The following MCMBP variants were observed in gnomAD, a reference collection of about 807,000 sequenced individuals.
MCMBP encodes mini-chromosome maintenance complex-binding protein.
In MCMBP, 31 loss-of-function variants were observed where a neutral mutation model predicts 81.3. The ratio of observed to expected loss-of-function variants is 0.38; its 90% CI spans 0.29 to 0.51. The LOEUF is 0.51. Among genes scored for constraint, MCMBP ranks in the 20% least tolerant of loss-of-function variants. The pLI, the probability that MCMBP is intolerant of heterozygous loss-of-function variation, is 0.87. For synonymous variants in MCMBP, 267 were observed against 275.9 expected, an observed-to-expected ratio of 0.97 and a Z score of 0.32; for missense variants, 645 against 772.1, an observed-to-expected ratio of 0.84 and a Z score of 1.95.
intron 14 of MCMBP, among the ~76,000 whole-genome samples, chr10:119,834,963 G>A (rs1852189737): frequency 6.6e-6 from 1 of 151,130 alleles, no homozygotes; most frequent in Admixed American, 6.6e-5. Flanking sequence ...ATACTAGACA[G>A]TAACATGAAC....
At chr10:119,858,715 TA>T (rs571239374) in intron 4 of MCMBP, among the ~76,000 whole-genome samples, 168 bp downstream of exon 4, 1 of 151,782 alleles carries the variant, frequency 6.6e-6, no homozygotes, top group Non-Finnish European at 1.5e-5. Flanking sequence ...TTTAGAGGAT[TA>T]AAAAAAAGTC....
chr10:119,856,477 G>C (rs1372464020), intron 5 of MCMBP, among the ~76,000 whole-genome samples: 1 of 152,186 alleles, frequency 6.6e-6, no homozygotes, highest in Non-Finnish European at 1.5e-5. Context: ...AGTCCATTTA[G>C]ATGTCATTCA....
chr10:119,859,275 T>TAC (rs34034506), intron 2 of MCMBP, 94 bp from the exon 3 acceptor site: 8,145 of 615,176 alleles, frequency 0.013, 67 homozygotes, highest in African/African-American at 0.053. Flanking sequence ...CTCAAACTGT[T>TAC]ACACACACAC....
rs1292236825 is a variant in MCMBP, at chr10:119,829,837, G to T, written c.*1637C>A. On this transcript the variant is annotated 3_prime_UTR_variant, in exon 16 of 16. Coordinates refer to ENST00000369077, the MANE Select transcript of MCMBP (RefSeq NM_001256378.2). Reference sequence around the variant, plus strand: ...ATTTATTGGAAAGGTTCTTTCAAGGGAACTTTTCTGCAAGACCAAGCAATG... The same window carrying T: ...ATTTATTGGAAAGGTTCTTTCAAGGTAACTTTTCTGCAAGACCAAGCAATG... 6.6e-6 allele frequency: 1 copy of T among 152,158 alleles called. No individual in the cohort carries two copies. Among genetic ancestry groups the T allele is most frequent in the African/African-American group, 2.4e-5 (1 of 41,424 alleles). 9.4% of individuals were successfully genotyped at this position (152,158 alleles called of 1,614,324 possible).
At chr10:119,845,762 G>C (rs1852596088) in intron 8 of MCMBP, among the ~76,000 whole-genome samples, 1 of 152,210 alleles carries the variant, frequency 6.6e-6, no homozygotes, top group Non-Finnish European at 1.5e-5. Flanking sequence ...CTAGGTTTCT[G>C]TTTTGTAGTG....
intron 7 of MCMBP, among the ~76,000 whole-genome samples, chr10:119,847,984 T>TA (rs1310348598): frequency 3.3e-5 from 5 of 151,526 alleles, no homozygotes; most frequent in Non-Finnish European, 5.9e-5. Context: ...TTCCTAAAAT[T>TA]AAAAAAAGCC....
chr10:119,863,728 CAAAAAAAAAAAAAAAAAA>C lies in MCMBP; in HGVS notation c.59-3862_59-3845del, dbSNP rs57266961. 2.2e-3 allele frequency among the ~76,000 whole-genome samples: 44 copies of C among 20,200 alleles called. 1 individual carries two copies. The highest frequency in any genetic ancestry group is 4.5e-3 in the East Asian group (3 of 662). The allele number at this position is 20,200 out of a possible 152,430, so 13.3% of individuals were successfully genotyped here. A position where few individuals can be genotyped will look rare whatever the true frequency, so the allele number is the denominator to read the frequency against. On this transcript the variant is annotated intron_variant, in intron 1 of 15. Coordinates refer to ENST00000369077, the MANE Select transcript of MCMBP (RefSeq NM_001256378.2). ...TGGGAGACAGAGTGAGGCTCAGACT[CAAAAAAAAAAAAAAAAAA>C]AAAAAAAAAAAAAAAAAAAAGCAAC... is the stretch of plus-strand genomic sequence containing the variant.
intron 14 of MCMBP, among the ~76,000 whole-genome samples, chr10:119,833,073 C>T (rs896018100): frequency 2.6e-4 from 40 of 152,124 alleles, no homozygotes; most frequent in Non-Finnish European, 5.0e-4. Context: ...AGGGCTTGCC[C>T]CAACTTTTAT....
chr10:119,831,497 A>AT lies in MCMBP; in HGVS notation c.1899dup (p.Cys634MetfsTer6). ...CTTTAAAGTTCATTTCCATTCACACATTTTTGCTGCTGAAGCCTCGTTCTT... is the reference window on the plus strand; with the variant it reads ...CTTTAAAGTTCATTTCCATTCACACATTTTTTGCTGCTGAAGCCTCGTTCTT... On this transcript the variant is annotated frameshift_variant, in exon 16 of 16. Transcript: ENST00000369077. LOFTEE classifies it high-confidence loss of function. The AT allele has an allele frequency of 6.2e-7, 1 of 1,613,884 alleles. No individual in the cohort carries two copies. Among genetic ancestry groups the AT allele is most frequent in the Non-Finnish European group, 8.5e-7 (1 of 1,179,888 alleles).
chr10:119,844,973 C>G (rs1852567374), intron 8 of MCMBP, among the ~76,000 whole-genome samples: 1 of 152,148 alleles, frequency 6.6e-6, no homozygotes, highest in Admixed American at 6.5e-5. Flanking sequence ...TTCCTTGCTC[C>G]CCAGCCTATT....
chr10:119,838,821 G>T, intron 11 of MCMBP, 121 bp from the exon 12 acceptor site: 2 of 826,892 alleles, frequency 2.4e-6, no homozygotes, highest in Non-Finnish European at 1.8e-6. Flanking sequence ...TTCTAAGGGA[G>T]TAGTGATATG....
intron 5 of MCMBP, among the ~76,000 whole-genome samples, chr10:119,855,393 C>G (rs923003104): frequency 1.3e-5 from 2 of 152,142 alleles, no homozygotes; most frequent in East Asian, 3.9e-4. Context: ...GAAAAAGGGC[C>G]AGGCGCGGTG....
chr10:119,834,739 T>TA (rs1472482212), intron 14 of MCMBP, among the ~76,000 whole-genome samples: 27 of 151,382 alleles, frequency 1.8e-4, no homozygotes, highest in Admixed American at 5.9e-4. Context: ...CACATGCCTG[T>TA]GGTCCCAACT....
Position 119,829,549 on chromosome 10 carries a change from T to TA in MCMBP, c.*1924dup, listed in dbSNP as rs1406867220. 2 of 152,330 alleles carry TA rather than the reference T, an allele frequency of 1.3e-5. No homozygotes were observed. The highest frequency in any genetic ancestry group is 3.9e-4 in the East Asian group (2 of 5,192). The allele number at this position is 152,330 out of a possible 1,614,324, so 9.4% of individuals were successfully genotyped here. ...GCCATACAGGATTAACGCTGTGCCT[T>TA]ACGTTAGAGCAACAAACTTGACTGT... On this transcript the variant is annotated 3_prime_UTR_variant, in exon 16 of 16. Coordinates refer to ENST00000369077, the MANE Select transcript of MCMBP (RefSeq NM_001256378.2).
chr10:119,836,849 A>AT, intron 13 of MCMBP, 47 bp downstream of exon 13: 6 of 1,366,772 alleles, frequency 4.4e-6, no homozygotes, highest in Non-Finnish European at 5.8e-6. Context: ...AAATGTAGGT[A>AT]TTTTTCCAAT....
intron 10 of MCMBP, among the ~76,000 whole-genome samples, chr10:119,842,216 G>A (rs1440858850): frequency 1.3e-5 from 2 of 152,138 alleles, no homozygotes; most frequent in African/African-American, 4.8e-5. Flanking sequence ...TGGGTCCTTG[G>A]TGCCTAAAAG....
chr10:119,847,786 A>G (rs1589785962), intron 7 of MCMBP, 73 bp from the exon 8 acceptor site: 4 of 770,126 alleles, frequency 5.2e-6, no homozygotes, highest in East Asian at 2.8e-5. Context: ...TGAAGTACCA[A>G]TATCTTGGAA....
intron 1 of MCMBP, among the ~76,000 whole-genome samples, chr10:119,863,857 G>A (rs1465600995): frequency 6.6e-6 from 1 of 150,978 alleles, no homozygotes; most frequent in Non-Finnish European, 1.5e-5. Context: ...ACTTGGGTGA[G>A]TTTGGATAGT....
chr10:119,872,936 CTGCGCGGCGA>C (rs1458094701), upstream of MCMBP: 1 of 150,718 alleles, frequency 6.6e-6, no homozygotes, highest in Non-Finnish European at 1.5e-5. Context: ...CAGCGCGGCT[CTGCGCGGCGA>C]GGAGGAGGGG....
Sources: allele counts gnomAD v4.1 joint callset (sites outside exome capture counted in the v4.1 genomes callset), GRCh38; gene constraint gnomAD v4.1.1; transcripts MANE v1.5; gene names NCBI Gene and HGNC (gene_info 2026-07-23, HGNC 2026-07-21).